ROR2: variants seen among roughly 807,000 people sequenced by gnomAD.
The protein encoded by ROR2 is tyrosine-protein kinase transmembrane receptor ROR2.
In ROR2, 33 loss-of-function variants were observed where a neutral mutation model predicts 74.9. The observed-to-expected ratio is 0.44, with a 90% CI of 0.33 to 0.59. The LOEUF is 0.59. Ranked by LOEUF, ROR2 falls within the 20% of genes least tolerant of loss-of-function variation. The pLI is 0.02. For synonymous variants in ROR2, 586 were observed against 558.7 expected, an observed-to-expected ratio of 1.05 and a Z score of -0.69; for missense variants, 1,216 against 1,313.8, an observed-to-expected ratio of 0.93 and a Z score of 1.15.
At chr9:91,811,291 C>T (rs1452794939) in intron 1 of ROR2, among the ~76,000 whole-genome samples, 5 of 152,216 alleles carry the variant, frequency 3.3e-5, no homozygotes, top group African/African-American at 2.4e-5. Context: ...ACGGGAACCA[C>T]GGGGGAGCGC....
rs756678907 is a variant in ROR2 at position 91,905,041 on chromosome 9, C to T, written c.97+44826G>A. Among the ~76,000 whole-genome samples, 13 of 143,508 alleles carry T rather than the reference C, an allele frequency of 9.1e-5. No homozygotes were observed. Among genetic ancestry groups the T allele is most frequent in the Admixed American group, 8.5e-4 (11 of 12,928 alleles). The allele number at this position is 143,508 out of a possible 152,430, so 94.1% of individuals were successfully genotyped here. Reference sequence around the variant, plus strand: ...ACCACACACAAAAACGTAACATATACGCAAACATCACACCACACAGACATA... The same window carrying T: ...ACCACACACAAAAACGTAACATATATGCAAACATCACACCACACAGACATA... On this transcript the variant is annotated intron_variant, in intron 1 of 8. Coordinates refer to ENST00000375708, the MANE Select transcript of ROR2 (RefSeq NM_004560.4). This position sits in a 1 kb window ranked among gnomAD's most constrained non-coding sequence, Gnocchi z 5.3.
At chr9:91,843,478 C>T (rs1400972617) in intron 1 of ROR2, among the ~76,000 whole-genome samples, 1 of 152,202 alleles carries the variant, frequency 6.6e-6, no homozygotes, top group African/African-American at 2.4e-5. Flanking sequence ...GCCCTCAGTG[C>T]CTTTAAGAAA....
At chr9:91,861,707 A>G (rs1829472686) in intron 1 of ROR2, among the ~76,000 whole-genome samples, 1 of 152,234 alleles carries the variant, frequency 6.6e-6, no homozygotes, top group East Asian at 1.9e-4. Context: ...TCTAAGAAAT[A>G]ATACCAAAAG....
chr9:91,808,177 G>T (rs1180863023), intron 1 of ROR2, among the ~76,000 whole-genome samples: 5 of 152,108 alleles, frequency 3.3e-5, no homozygotes, highest in Non-Finnish European at 7.4e-5. Flanking sequence ...CTGAAGTGAG[G>T]GGGTGAAAAT....
chr9:91,911,361 G>A (rs990264683), intron 1 of ROR2, among the ~76,000 whole-genome samples: 43 of 152,210 alleles, frequency 2.8e-4, no homozygotes, highest in Non-Finnish European at 5.9e-5. Context: ...ACCCTGTACA[G>A]CATGTGACTG....
chr9:91,862,876 A>T (rs910587069), intron 1 of ROR2, among the ~76,000 whole-genome samples: 3 of 152,238 alleles, frequency 2.0e-5, no homozygotes, highest in Non-Finnish European at 4.4e-5. Flanking sequence ...AACACAACTA[A>T]ATAGTAAAAA....
Position 91,925,373 on chromosome 9 carries a change from C to T in ROR2, c.97+24494G>A, listed in dbSNP as rs573145675. On this transcript the variant is annotated intron_variant, in intron 1 of 8. Coordinates refer to ENST00000375708, the MANE Select transcript of ROR2 (RefSeq NM_004560.4). The stretch of plus-strand genomic sequence containing the variant: ...ATCCCAACAGCTCAGCCCAAGCCCA[C>T]GAGACCCAGCCCCCAGCTCGGCAAG... Among the ~76,000 whole-genome samples the T allele has an allele frequency of 5.9e-5, 9 of 152,290 alleles. No individual in the cohort carries two copies. In the South Asian group the frequency reaches 1.2e-3, roughly 21 times the overall value.
chr9:91,862,154 T>G (rs936004019), intron 1 of ROR2, among the ~76,000 whole-genome samples: 2 of 151,976 alleles, frequency 1.3e-5, no homozygotes, highest in African/African-American at 4.8e-5. Context: ...AAACCCCATC[T>G]CTACTAAAAA....
chr9:91,733,526 A>T lies in ROR2; in HGVS notation c.623-90T>A. 2 of 1,390,760 alleles carry T rather than the reference A, an allele frequency of 1.4e-6. No individual in the cohort carries two copies. Among genetic ancestry groups the T allele is most frequent in the South Asian group, 1.3e-5 (1 of 74,832 alleles). The allele number at this position is 1,390,760 out of a possible 1,614,324, so 86.2% of individuals were successfully genotyped here. On this transcript the variant is annotated intron_variant, in intron 5 of 8. Coordinates refer to ENST00000375708, the MANE Select transcript of ROR2 (RefSeq NM_004560.4). This position sits in a 1 kb window ranked among gnomAD's most constrained non-coding sequence, Gnocchi z 5.7. ...CCCCACCCCCAGCCTGGCATCCCAG[A>T]CTGCCCACTCAGCCCCCTGATGCCC...
At chr9:91,863,215 A>T (rs972633721) in intron 1 of ROR2, among the ~76,000 whole-genome samples, 3 of 152,196 alleles carry the variant, frequency 2.0e-5, no homozygotes, top group African/African-American at 7.2e-5. Flanking sequence ...CTGTGGAGAC[A>T]GGGTCTCAGT....
At chr9:91,759,273 GA>G (rs1453371998) in intron 2 of ROR2, among the ~76,000 whole-genome samples, 1 of 152,150 alleles carries the variant, frequency 6.6e-6, no homozygotes, top group Non-Finnish European at 1.5e-5. Context: ...CGGGACAGTG[GA>G]AACGCACCTG....
chr9:91,728,807 T>G (rs968657534), intron 7 of ROR2, among the ~76,000 whole-genome samples: 1 of 152,218 alleles, frequency 6.6e-6, no homozygotes, highest in Non-Finnish European at 1.5e-5. Flanking sequence ...ATAAAATCTC[T>G]TGGACAGCAG....
At chr9:91,851,070 C>T (rs1027605475) in intron 1 of ROR2, among the ~76,000 whole-genome samples, 9 of 152,022 alleles carry the variant, frequency 5.9e-5, no homozygotes, top group African/African-American at 1.7e-4. Context: ...CCATAGATTC[C>T]GGCCGGGCGC....
At chr9:91,934,799 A>G (rs2117987897) in intron 1 of ROR2, among the ~76,000 whole-genome samples, 1 of 152,312 alleles carries the variant, frequency 6.6e-6, no homozygotes, top group South Asian at 2.1e-4. Flanking sequence ...GAACTCTGAA[A>G]ACATATACAA....
intron 1 of ROR2, among the ~76,000 whole-genome samples, chr9:91,808,697 G>A (rs187671613): frequency 3.3e-5 from 5 of 151,292 alleles, no homozygotes; most frequent in South Asian, 2.1e-4. Context: ...GGTGGCTCAC[G>A]TCTGTAATCC....
chr9:91,740,106 G>C (rs1825169069), intron 4 of ROR2, among the ~76,000 whole-genome samples: 1 of 152,186 alleles, frequency 6.6e-6, no homozygotes, highest in East Asian at 1.9e-4. Flanking sequence ...CCCTGTTGCA[G>C]GCTTCTCCCT....
chr9:91,906,665 T>G (rs1391450972), intron 1 of ROR2, among the ~76,000 whole-genome samples: 1 of 152,266 alleles, frequency 6.6e-6, no homozygotes, highest in East Asian at 1.9e-4. Context: ...GTTGCATTAT[T>G]AAGGGGATTT....
At chr9:91,917,653 G>A (rs1831169866) in intron 1 of ROR2, among the ~76,000 whole-genome samples, 1 of 152,216 alleles carries the variant, frequency 6.6e-6, no homozygotes, top group Admixed American at 6.5e-5. Flanking sequence ...CACAGCAACG[G>A]TGCTCCCCAC....
intron 2 of ROR2, among the ~76,000 whole-genome samples, chr9:91,772,570 T>C (rs2118919122): frequency 6.6e-6 from 1 of 152,324 alleles, no homozygotes; most frequent in Non-Finnish European, 1.5e-5. Context: ...CGGCCTTCTG[T>C]GGTTCTTTGC....
Sources: gnomAD v4.1 joint callset for allele counts (sites outside exome capture counted in the v4.1 genomes callset) on GRCh38, gnomAD v4.1.1 for gene constraint, Gnocchi (gnomAD v3.1) non-coding constraint, MANE v1.5 for transcripts, NCBI Gene and HGNC (gene_info 2026-07-23, HGNC 2026-07-21) for gene names.